DNAH8: variants seen among roughly 807,000 people sequenced by gnomAD.
The protein encoded by DNAH8 is axonemal beta dynein heavy chain 8.
DNAH8 carries 382 observed loss-of-function variants against 562.1 expected under a neutral mutation model. That is an observed-to-expected ratio of 0.68 (90% CI 0.63 to 0.74). DNAH8 has a LOEUF of 0.74. Among genes scored for constraint, DNAH8 ranks in the 30% least tolerant of loss-of-function variants. The pLI is 0.00. For missense variants in DNAH8, 5,203 were observed against 5,620.4 expected, an observed-to-expected ratio of 0.93 and a Z score of 2.37; for synonymous variants, 1,881 against 1,919.4, an observed-to-expected ratio of 0.98 and a Z score of 0.52.
intron 7 of DNAH8, among the ~76,000 whole-genome samples, chr6:38,738,590 C>T (rs1317381038): frequency 2.0e-5 from 3 of 152,186 alleles, no homozygotes; most frequent in Non-Finnish European, 4.4e-5. Flanking sequence ...AACCGCCCCC[C>T]AGATCTCTAG....
At chr6:38,785,798 A>C (rs901822509) in intron 17 of DNAH8, among the ~76,000 whole-genome samples, 1 of 152,212 alleles carries the variant, frequency 6.6e-6, no homozygotes, top group South Asian at 2.1e-4. Flanking sequence ...GAGTTGGATA[A>C]AATTTTAAGT....
At chr6:38,816,539 T>C (rs1309242518) in intron 26 of DNAH8, among the ~76,000 whole-genome samples, 2 of 152,202 alleles carry the variant, frequency 1.3e-5, no homozygotes, top group Non-Finnish European at 1.5e-5. Flanking sequence ...AGTGCTGCAA[T>C]GAACATAGGC....
At chr6:38,894,629 A>G in intron 58 of DNAH8, 72 bp from the exon 59 acceptor site, 13 of 1,186,108 alleles carry the variant, frequency 1.1e-5, no homozygotes, top group Non-Finnish European at 1.6e-5. Context: ...TTTGTGAGAC[A>G]GTTGTAAAAG....
At chr6:38,882,767 C>A in intron 53 of DNAH8, 143 bp from the exon 54 acceptor site, 3 of 557,674 alleles carry the variant, frequency 5.4e-6, no homozygotes, top group African/African-American at 2.0e-5. Context: ...ATAAGATAAG[C>A]AGATATATTA....
chr6:38,938,927 C>T lies in DNAH8; in HGVS notation c.11946C>T (p.Thr3982=), dbSNP rs748774846. 1.2e-6 allele frequency: 2 copies of T among 1,613,906 alleles called. No homozygotes were observed. The highest frequency in any genetic ancestry group is 1.7e-4 in the Middle Eastern group (1 of 6,056). ...NHKFLFVLLM[T]LKIDLQRGTV... is the part of the protein sequence containing the mutation. ...AATTCCTGTTTGTACTCCTCATGAC[C>T]TTAAAGATTGACCTTCAGAGAGGGA... Residue 3982 remains threonine (T), a synonymous_variant, in exon 79 of 93, where the codon ACC becomes ACT. Transcript: ENST00000327475.
intron 10 of DNAH8, among the ~76,000 whole-genome samples, chr6:38,760,772 G>T (rs1414261315): frequency 6.6e-6 from 1 of 152,078 alleles, no homozygotes. Flanking sequence ...TCTCTTGCTT[G>T]CTCTCATATG....
In DNAH8 at chr6:38,926,076, G is replaced by A. The variant is rs2150566375; in HGVS notation, c.10984G>A (p.Gly3662Arg). Reference protein sequence around the residue: ...PPTIGEWGLQGLPGDDLSIQN... With the variant: ...PPTIGEWGLQRLPGDDLSIQN... ...TCAGATTGGTGAGTGGGGGCTACAG[G>A]GATTACCAGGAGATGATCTCTCAAT... Residue 3662 changes from glycine (G) to arginine (R), a missense_variant, in exon 74 of 93, where the codon GGA becomes AGA. Physicochemically the swap from Gly to Arg is moderately radical, Grantham distance 125. This residue lies in a region of DNAH8 where 1,399 missense variants were observed against 1,518.4 expected (regional missense o/e 0.92). Coordinates refer to ENST00000327475, the MANE Select transcript of DNAH8 (RefSeq NM_001206927.2). 7.4e-6 allele frequency: 12 copies of A among 1,613,368 alleles called. No homozygotes were observed. Among genetic ancestry groups the A allele is most frequent in the Non-Finnish European group, 9.3e-6 (11 of 1,179,664 alleles).
At chr6:38,932,903 A>G (rs183285590) in intron 76 of DNAH8, 28 of 152,376 alleles carry the variant, frequency 1.8e-4, no homozygotes, top group African/African-American at 6.3e-4. Context: ...TACCACAGGC[A>G]CAGGCCCTTG....
chr6:38,987,350 G>T (rs1248969709), intron 87 of DNAH8, among the ~76,000 whole-genome samples: 1 of 152,074 alleles, frequency 6.6e-6, no homozygotes. Context: ...GGCATTTTGG[G>T]CCACAGAGGA....
chr6:38,983,102 A>G (rs1016976590), intron 86 of DNAH8, among the ~76,000 whole-genome samples: 5 of 152,230 alleles, frequency 3.3e-5, no homozygotes, highest in African/African-American at 7.2e-5. Context: ...GTCCTTTCAC[A>G]CATATAAAGG....
intron 76 of DNAH8, chr6:38,933,026 C>T (rs1782674972): frequency 6.6e-6 from 1 of 152,330 alleles, no homozygotes; most frequent in Non-Finnish European, 1.5e-5. Context: ...GGAAGGGATC[C>T]CGTTCCTCTT....
intron 25 of DNAH8, 31 bp downstream of exon 25, chr6:38,814,160 A>G (rs1772041630): frequency 7.9e-7 from 1 of 1,260,574 alleles, no homozygotes; most frequent in Non-Finnish European, 1.2e-6. Flanking sequence ...TGATAATTTG[A>G]TAAGGTGCTT....
intron 21 of DNAH8, among the ~76,000 whole-genome samples, chr6:38,799,770 C>A (rs1431987173): frequency 6.6e-6 from 1 of 152,128 alleles, no homozygotes; most frequent in Non-Finnish European, 1.5e-5. Context: ...TTCCTCTCAA[C>A]CCTCCCAGCC....
rs1281084129 is a variant in DNAH8 at position 38,815,509 on chromosome 6, C to G, written c.3375C>G (p.Asn1125Lys). ...TGGATGACATTCAACAAGCCATTAA[C>G]CGTATGATCCAGTTAACCCTGGAGG... ...PSLDDIQQAI[N>K]RMIQLTLEVS... Residue 1125 changes from asparagine to lysine, a missense_variant, in exon 26 of 93, where the codon AAC (asparagine) becomes AAG (lysine). Around this residue, in one of 6 missense-constraint regions of DNAH8, gnomAD observed 2,176 missense variants for 2,365.1 expected, o/e 0.92. Transcript: ENST00000327475. 5.0e-6 allele frequency: 8 copies of G among 1,613,862 alleles called. No individual in the cohort carries two copies. The highest frequency in any genetic ancestry group is 6.8e-6 in the Non-Finnish European group (8 of 1,179,894).
chr6:39,018,512 C>T (rs1162033435), intron 91 of DNAH8, among the ~76,000 whole-genome samples: 1 of 152,204 alleles, frequency 6.6e-6, no homozygotes, highest in Non-Finnish European at 1.5e-5. Context: ...CGTTGATGAC[C>T]TCAGCCTATG....
At chr6:38,913,591 G>A (rs1356223147) in intron 66 of DNAH8, among the ~76,000 whole-genome samples, 1 of 152,028 alleles carries the variant, frequency 6.6e-6, no homozygotes, top group Non-Finnish European at 1.5e-5. Context: ...TTATTCAATA[G>A]GACATTGTGA....
chr6:38,822,996 A>G lies in DNAH8; in HGVS notation c.3682A>G (p.Lys1228Glu). ...HEALQDFQKY[K>E]TLWTEDRDVK... is the part of the protein sequence containing the mutation. Reference sequence around the variant, plus strand: ...GGCCCTGCAGGACTTTCAGAAGTACAAGACTCTCTGGACAGAGGACCGCGA... The same window carrying G: ...GGCCCTGCAGGACTTTCAGAAGTACGAGACTCTCTGGACAGAGGACCGCGA... Residue 1228 changes from lysine to glutamate, a missense_variant, in exon 27 of 93, where the codon AAG becomes GAG. Lys to Glu is a moderately conservative substitution (Grantham distance 56). This residue lies in a region of DNAH8 where 2,176 missense variants were observed against 2,365.1 expected (regional missense o/e 0.92). Transcript: ENST00000327475. 2 of 1,607,010 alleles carry G rather than the reference A, an allele frequency of 1.2e-6. No individual in the cohort carries two copies. The highest frequency in any genetic ancestry group is 1.7e-6 in the Non-Finnish European group (2 of 1,178,186).
intron 45 of DNAH8, among the ~76,000 whole-genome samples, chr6:38,864,762 A>T (rs1364661136): frequency 2.0e-5 from 3 of 152,172 alleles, no homozygotes; most frequent in Non-Finnish European, 4.4e-5. Context: ...ATTCTCTCAC[A>T]TGTACACTGT....
intron 55 of DNAH8, 150 bp from the exon 56 acceptor site, chr6:38,883,726 T>A (rs1778691956): frequency 2.9e-6 from 2 of 684,868 alleles, no homozygotes; most frequent in Non-Finnish European, 4.2e-6. Flanking sequence ...GCCTTATTTT[T>A]AAAAATTTAA....
Sources: gnomAD v4.1 joint callset for allele counts (sites outside exome capture counted in the v4.1 genomes callset) on GRCh38, gnomAD v4.1.1 for gene constraint, gnomAD v4.1.1 regional missense constraint, MANE v1.5 for transcripts, NCBI Gene and HGNC (gene_info 2026-07-23, HGNC 2026-07-21) for gene names.